Variants in AGAP2 observed in about 807,000 individuals in gnomAD.
The protein encoded by AGAP2 is arf-GAP with GTPase, ANK repeat and PH domain-containing protein 2.
AGAP2 carries 32 observed loss-of-function variants against 110.9 expected under a neutral mutation model. That is an observed-to-expected ratio of 0.29 (90% CI 0.22 to 0.39). The LOEUF is 0.39. AGAP2 is among the 10% of genes least tolerant of loss of function. The pLI is 1.00. For missense variants in AGAP2, 1,285 were observed against 1,638.5 expected (o/e 0.78, Z 3.72); for synonymous variants, 702 against 713.0 (o/e 0.98, Z 0.25).
In AGAP2 at chr12:57,731,346, G is replaced by T; in HGVS notation, c.2145+20C>A. On this transcript the variant is annotated intron_variant, in intron 10 of 18. Coordinates refer to ENST00000547588, the MANE Select transcript of AGAP2 (RefSeq NM_001122772.3). ...GGGAAATCCAAAGCTGGCCAATGTG[G>T]CCCAGTCTCTGCCACTCACGTTAAT... 2 of 1,590,362 alleles carry T rather than the reference G, an allele frequency of 1.3e-6. No homozygotes were observed. The highest frequency in any genetic ancestry group is 1.7e-6 in the Non-Finnish European group (2 of 1,158,352).
chr12:57,738,753 G>T (rs755614858), upstream of AGAP2, among the ~76,000 whole-genome samples: 2 of 151,546 alleles, frequency 1.3e-5, no homozygotes, highest in Non-Finnish European at 2.9e-5. This position sits in a 1 kb window ranked among gnomAD's most constrained non-coding sequence, Gnocchi z 6.7. Context: ...GGGGCTGGCC[G>T]TGCGGGGGAT....
intron 12 of AGAP2, 133 bp downstream of exon 12, chr12:57,730,362 T>G: frequency 8.2e-7 from 1 of 1,224,688 alleles, no homozygotes; most frequent in Non-Finnish European, 1.2e-6. Context: ...ATGATTGAAC[T>G]TATTCATGTG....
intron 10 of AGAP2, 113 bp downstream of exon 10, chr12:57,731,253 G>A: frequency 1.1e-6 from 1 of 936,230 alleles, no homozygotes. Context: ...AAACTTAAGA[G>A]AAGAGGACTA....
chr12:57,735,343 A>T (rs751856556), intron 2 of AGAP2, 26 bp downstream of exon 2: 1 of 1,611,948 alleles, frequency 6.2e-7, no homozygotes, highest in South Asian at 1.1e-5. Context: ...AGCCTTCCCT[A>T]TAGGCAAGGG....
intron 5 of AGAP2, 43 bp downstream of exon 5, chr12:57,733,983 T>C (rs238526): frequency 1 from 1,520,556 of 1,523,222 alleles, 758,981 homozygotes; most frequent in East Asian, 1. Context: ...GTAGCCTCCT[T>C]AGGGCCTCCC....
chr12:57,731,879 G>A lies in AGAP2; in HGVS notation c.1883C>T (p.Ala628Val), dbSNP rs780300249. Residue 628 changes from alanine (A) to valine (V), a missense_variant, in exon 8 of 19, where the codon GCT (alanine) becomes GTT (valine). By Grantham distance (64) the Ala-to-Val change is moderately conservative (BLOSUM62 0). Transcript: ENST00000547588. ...TGGGGTGCTCAATCCAGCCACTGCAGCTGCCTCGGCTCGGAGCTCCCGGTG... is the reference window on the plus strand; with the variant it reads ...TGGGGTGCTCAATCCAGCCACTGCAACTGCCTCGGCTCGGAGCTCCCGGTG... ...VGHRELRAEAAAVAGLSTPGS... is the reference protein window; with the variant it reads ...VGHRELRAEAVAVAGLSTPGS... The A allele has an allele frequency of 6.2e-7, 1 of 1,610,492 alleles. No homozygotes were observed. Among genetic ancestry groups the A allele is most frequent in the East Asian group, 2.2e-5 (1 of 44,816 alleles).
chr12:57,732,771 G>C, intron 6 of AGAP2, 74 bp downstream of exon 6: 1 of 1,592,974 alleles, frequency 6.3e-7, no homozygotes, highest in Non-Finnish European at 8.6e-7. Context: ...GAGAGGCCTG[G>C]ATGCCTGACC....
At position 57,727,997 on chromosome 12, in the gene AGAP2, G is replaced by A. The variant is rs142325283; in HGVS notation, c.2706C>T (p.Val902=). The A allele has an allele frequency of 3.2e-5, 51 of 1,614,150 alleles. No homozygotes were observed. Among genetic ancestry groups the A allele is most frequent in the Admixed American group, 5.0e-5 (3 of 60,024 alleles). Residue 902 remains valine, a synonymous_variant, in exon 15 of 19, where the codon GTC becomes GTT. Coordinates refer to ENST00000547588, the MANE Select transcript of AGAP2 (RefSeq NM_001122772.3). ...AASFEERDAW[V]QAIESQILAS... Reference sequence around the variant, plus strand: ...CTAGGATCTGACTCTCGATGGCCTGGACCCAGGCATCCCGCTCCTCAAAAC... The same window carrying A: ...CTAGGATCTGACTCTCGATGGCCTGAACCCAGGCATCCCGCTCCTCAAAAC...
intron 14 of AGAP2, 68 bp from the exon 15 acceptor site, chr12:57,728,153 G>A (rs1057234097): frequency 2.2e-5 from 34 of 1,547,072 alleles, no homozygotes; most frequent in Middle Eastern, 3.5e-4. Flanking sequence ...TCCCAAGACC[G>A]TCCTCCCTGA....
rs1955026828 is a variant in AGAP2, at chr12:57,738,152, G to A, written c.95C>T (p.Pro32Leu). The change falls in exon 1 of 19, where the codon CCT becomes CTT. Residue 32 changes from proline to leucine, a missense_variant. Physicochemically the swap from Pro to Leu is moderately conservative, Grantham distance 98. This residue lies in a region of AGAP2 where 844 missense variants were observed against 941.2 expected (regional missense o/e 0.90). Coordinates refer to ENST00000547588, the MANE Select transcript of AGAP2 (RefSeq NM_001122772.3). The surrounding 1 kb of genome is among the most constrained non-coding windows in gnomAD (Gnocchi z 6.7). ...VKLESVPPPP[P>L]SPSAAAAGAA... ...GCCGGCCGCGGCCGCAGACGGAGAA[G>A]GCGGCGGCGGAGGCACCGACTCGAG... 6.6e-7 allele frequency: 1 copy of A among 1,523,764 alleles called. No individual in the cohort carries two copies. Among genetic ancestry groups the A allele is most frequent in the Non-Finnish European group, 8.8e-7 (1 of 1,140,806 alleles). 94.4% of individuals were successfully genotyped at this position (1,523,764 alleles called of 1,614,324 possible).
chr12:57,727,055 G>A lies in AGAP2; in HGVS notation c.3255C>T (p.Ser1085=), dbSNP rs755141426. 5 of 1,604,634 alleles carry A rather than the reference G, an allele frequency of 3.1e-6. No homozygotes were observed. Among genetic ancestry groups the A allele is most frequent in the African/African-American group, 1.3e-5 (1 of 74,944 alleles). Residue 1085 remains serine, a synonymous_variant, in exon 18 of 19, where the codon AGC becomes AGT. Coordinates refer to ENST00000547588, the MANE Select transcript of AGAP2 (RefSeq NM_001122772.3). ...AHARHGPLDT[S]VEDPQLRSPL... is the part of the protein sequence containing the mutation. ...GGGAGCGCAGCTGTGGGTCCTCTACGCTGGTGTCGAGCGGCCCGTGTCGCG... is the reference window on the plus strand; with the variant it reads ...GGGAGCGCAGCTGTGGGTCCTCTACACTGGTGTCGAGCGGCCCGTGTCGCG...
upstream of AGAP2, among the ~76,000 whole-genome samples, chr12:57,739,030 A>G (rs150320930): frequency 1.6e-5 from 2 of 127,702 alleles, no homozygotes; most frequent in Non-Finnish European, 3.3e-5. Flanking sequence ...ACCAGCACCG[A>G]TGTCTGCGAG....
Position 57,734,378 on chromosome 12 carries a change from C to A in AGAP2, c.1342G>T (p.Val448Leu). ...ESEQYKKEMLVDGQTHLVLIR... is the reference protein window; with the variant it reads ...ESEQYKKEMLLDGQTHLVLIR... ...AGCACCAGATGTGTCTGTCCATCCA[C>A]CAACATTTCTTTCTTGTACTGCTCA... is the stretch of plus-strand genomic sequence containing the variant. The change falls in exon 4 of 19, where the codon GTG becomes TTG. Residue 448 changes from valine to leucine, a missense_variant. Physicochemically the swap from Val to Leu is conservative, Grantham distance 32 (BLOSUM62 1). Coordinates refer to ENST00000547588, the MANE Select transcript of AGAP2 (RefSeq NM_001122772.3). 1.2e-6 allele frequency: 2 copies of A among 1,614,220 alleles called. No homozygotes were observed. Among genetic ancestry groups the A allele is most frequent in the Non-Finnish European group, 1.7e-6 (2 of 1,180,028 alleles).
intron 2 of AGAP2, 147 bp downstream of exon 2, chr12:57,735,222 A>G: frequency 1.3e-6 from 1 of 751,528 alleles, no homozygotes; most frequent in South Asian, 1.8e-5. Context: ...TGTTGGTGCT[A>G]TGAAGGCAGA....
At chr12:57,727,853 G>T in intron 15 of AGAP2, 82 bp from the exon 16 acceptor site, 1 of 1,594,444 alleles carries the variant, frequency 6.3e-7, no homozygotes, top group Non-Finnish European at 8.5e-7. Context: ...CCTCTCACAC[G>T]ACTTCGGCCG....
At chr12:57,734,224 G>T in intron 4 of AGAP2, 51 bp from the exon 5 acceptor site, 1 of 1,610,230 alleles carries the variant, frequency 6.2e-7, no homozygotes, top group Non-Finnish European at 8.5e-7. Flanking sequence ...CTACTCCTCT[G>T]GACCCAATCC....
chr12:57,730,762 T>C (rs1954869727), intron 11 of AGAP2, 29 bp downstream of exon 11: 1 of 1,613,086 alleles, frequency 6.2e-7, no homozygotes, highest in African/African-American at 1.3e-5. Context: ...TGGCCCCTCT[T>C]CTGCTCCTAT....
Position 57,737,852 on chromosome 12 carries a change from T to G in AGAP2, c.395A>C (p.Lys132Thr). ...GGAGGAGGTGGGGGCGCCCCCAGGC[T>G]TGGGGTCGGGGCTCAGTCCCCCGGA... Reference protein sequence around the residue: ...PLSGGLSPDPKPGGAPTSSRR... With the variant: ...PLSGGLSPDPTPGGAPTSSRR... The change falls in exon 1 of 19, where the codon AAG becomes ACG. Residue 132 changes from lysine to threonine, a missense_variant. Coordinates refer to ENST00000547588, the MANE Select transcript of AGAP2 (RefSeq NM_001122772.3). The surrounding 1 kb of genome is among the most constrained non-coding windows in gnomAD (Gnocchi z 5.9). 6.8e-7 allele frequency: 1 copy of G among 1,459,916 alleles called. No individual in the cohort carries two copies. Among genetic ancestry groups the G allele is most frequent in the Non-Finnish European group, 8.9e-7 (1 of 1,119,188 alleles). 90.4% of individuals were successfully genotyped at this position (1,459,916 alleles called of 1,614,324 possible).
chr12:57,726,494 G>T lies in AGAP2; in HGVS notation c.*58C>A, dbSNP rs914158254. On this transcript the variant is annotated 3_prime_UTR_variant, in exon 19 of 19. Transcript: ENST00000547588. The surrounding 1 kb of genome is among the most constrained non-coding windows in gnomAD (Gnocchi z 5.7). ...AGTGGGTGCGTCTGTCCAGCGGTCC[G>T]CCCGGTGTGGTCGTGCCCGGCCCGC... is the stretch of plus-strand genomic sequence containing the variant. 20 of 1,163,718 alleles carry T rather than the reference G, an allele frequency of 1.7e-5. No individual in the cohort carries two copies. The African/African-American group carries it at 3.1e-4, about 18-fold the overall frequency. The allele number at this position is 1,163,718 out of a possible 1,614,324, so 72.1% of individuals were successfully genotyped here. A position where few individuals can be genotyped will look rare whatever the true frequency, so the allele number is the denominator to read the frequency against.
Sources: gnomAD v4.1 joint callset for allele counts (sites outside exome capture counted in the v4.1 genomes callset) on GRCh38, gnomAD v4.1.1 for gene constraint, gnomAD v4.1.1 regional missense constraint, Gnocchi (gnomAD v3.1) non-coding constraint, MANE v1.5 for transcripts, NCBI Gene and HGNC (gene_info 2026-07-23, HGNC 2026-07-21) for gene names.